Variants in ABCA5 observed in about 807,000 individuals in gnomAD.
The protein encoded by ABCA5 is cholesterol transporter ABCA5.
ABCA5 carries 163 observed loss-of-function variants against 206.0 expected under a neutral mutation model. The observed-to-expected ratio is 0.79, with a 90% confidence interval of 0.70 to 0.90. The LOEUF is 0.90. Ranked by LOEUF, ABCA5 falls within the 40% of genes least tolerant of loss-of-function variation. The pLI, the probability that ABCA5 is intolerant of heterozygous loss-of-function variation, is 0.00. For missense variants in ABCA5, 1,859 were observed against 1,912.9 expected, an observed-to-expected ratio of 0.97 and a Z score of 0.53; for synonymous variants, 609 against 613.8, an observed-to-expected ratio of 0.99 and a Z score of 0.11.
chr17:69,303,841 C>CATATAT (rs1555584154), intron 7 of ABCA5, among the ~76,000 whole-genome samples: 3 of 22,032 alleles, frequency 1.4e-4, no homozygotes, highest in African/African-American at 5.0e-4. Flanking sequence ...TATATATATA[C>CATATAT]ATACATATAT....
At chr17:69,260,142 T>C (rs1436746276) in intron 27 of ABCA5, among the ~76,000 whole-genome samples, 196 bp downstream of exon 27, 2 of 151,936 alleles carry the variant, frequency 1.3e-5, no homozygotes, top group Non-Finnish European at 2.9e-5. Flanking sequence ...AGGCTAAGTA[T>C]ATTAAAGTGA....
chr17:69,314,463 G>A (rs368413235), intron 1 of ABCA5, 33 bp from the exon 2 acceptor site: 31 of 1,347,678 alleles, frequency 2.3e-5, no homozygotes, highest in Non-Finnish European at 2.9e-5. Flanking sequence ...AAACAAACCC[G>A]GAGCCACGCA....
intron 14 of ABCA5, among the ~76,000 whole-genome samples, 169 bp downstream of exon 14, chr17:69,289,008 T>A (rs2075494756): frequency 6.6e-6 from 1 of 152,200 alleles, no homozygotes; most frequent in African/African-American, 2.4e-5. Flanking sequence ...AAGTTATACA[T>A]CTTTCTGACT....
Position 69,256,158 on chromosome 17 carries a change from T to G in ABCA5, c.3857A>C (p.Glu1286Ala), listed in dbSNP as rs1567751283. 1 of 1,587,462 alleles carries G rather than the reference T, an allele frequency of 6.3e-7. No homozygotes were observed. The highest frequency in any genetic ancestry group is 1.8e-5 in the Admixed American group (1 of 54,626). The change falls in exon 29 of 39, where the codon GAG (glutamate) becomes GCG (alanine). Residue 1286 changes from glutamate to alanine, a missense_variant and splice_region_variant. Glu to Ala is a moderately radical substitution (Grantham distance 107). Transcript: ENST00000392676. Reference sequence around the variant, plus strand: ...ACTTAGCCATAAAGAATAAATTACCTCCTCACAACACTGGCAACCCATCAG... The same window carrying G: ...ACTTAGCCATAAAGAATAAATTACCGCCTCACAACACTGGCAACCCATCAG... ...KELMGCQCCE[E>A]KPSIMVSNLH...
chr17:69,246,597 T>C lies in ABCA5; in HGVS notation c.*940A>G, dbSNP rs1355437313. On this transcript the variant is annotated 3_prime_UTR_variant, in exon 39 of 39. Coordinates refer to ENST00000392676, the MANE Select transcript of ABCA5 (RefSeq NM_172232.4). The stretch of plus-strand genomic sequence containing the variant: ...GTTACTAAATAAATCTACACACTGA[T>C]CTACTTACAATTTTATAGAAGAGAT... 2 of 151,938 alleles carry C rather than the reference T, an allele frequency of 1.3e-5. No homozygotes were observed. The highest frequency in any genetic ancestry group is 2.9e-5 in the Non-Finnish European group (2 of 67,828). The allele number at this position is 151,938 out of a possible 1,614,324, so 9.4% of individuals were successfully genotyped here.
intron 28 of ABCA5, among the ~76,000 whole-genome samples, chr17:69,258,222 T>C (rs1199359898): frequency 6.6e-6 from 1 of 152,050 alleles, no homozygotes; most frequent in Non-Finnish European, 1.5e-5. Context: ...CCTGAACTCA[T>C]ATGTTCATCA....
chr17:69,319,570 C>T lies in ABCA5; in HGVS notation c.-15-5140G>A, dbSNP rs1406355760. ...TTGAGCTGTGTCAGTTAAAATTTCT[C>T]TTGGCAGAATTAACTAAGAGACCCA... On this transcript the variant is annotated intron_variant, in intron 1 of 38. Coordinates refer to ENST00000392676, the MANE Select transcript of ABCA5 (RefSeq NM_172232.4). 3.3e-5 allele frequency among the ~76,000 whole-genome samples: 5 copies of T among 152,154 alleles called. No individual in the cohort carries two copies. In the East Asian group the frequency reaches 9.6e-4, roughly 29 times the overall value.
chr17:69,291,160 C>A, intron 12 of ABCA5, 56 bp downstream of exon 12: 1 of 1,148,094 alleles, frequency 8.7e-7, no homozygotes, highest in Non-Finnish European at 1.2e-6. Context: ...TTATTCAATA[C>A]ACATTTAAAG....
intron 1 of ABCA5, among the ~76,000 whole-genome samples, chr17:69,318,242 C>CTGCCACCA (rs1024952586): frequency 3.3e-5 from 5 of 152,000 alleles, no homozygotes; most frequent in African/African-American, 4.8e-5. Flanking sequence ...TTACAGGCGC[C>CTGCCACCA]TGCCACCATG....
At chr17:69,253,515 T>A in intron 34 of ABCA5, 58 bp downstream of exon 34, 1 of 1,164,528 alleles carries the variant, frequency 8.6e-7, no homozygotes. Context: ...ACTATTATAA[T>A]AAAAGAAACT....
intron 23 of ABCA5, among the ~76,000 whole-genome samples, chr17:69,266,680 C>A (rs2144925380): frequency 6.8e-6 from 1 of 148,000 alleles, no homozygotes; most frequent in Non-Finnish European, 1.5e-5. Flanking sequence ...TGCAAATGTC[C>A]AGTAAATTTT....
At chr17:69,264,151 T>C (rs2075182136) in intron 24 of ABCA5, among the ~76,000 whole-genome samples, 1 of 152,196 alleles carries the variant, frequency 6.6e-6, no homozygotes, top group Non-Finnish European at 1.5e-5. Flanking sequence ...TTTAATATAT[T>C]GAGTCTTCTA....
intron 28 of ABCA5, among the ~76,000 whole-genome samples, chr17:69,257,731 T>C (rs749716336): frequency 1.8e-4 from 26 of 143,784 alleles, no homozygotes; most frequent in Admixed American, 1.5e-3. Context: ...GAGAAAAAAA[T>C]ACACTATTGA....
chr17:69,270,244 A>C (rs1451014476), intron 22 of ABCA5, among the ~76,000 whole-genome samples: 1 of 152,102 alleles, frequency 6.6e-6, no homozygotes, highest in Non-Finnish European at 1.5e-5. Flanking sequence ...GTACAATCCA[A>C]CAGTTCTATC....
intron 11 of ABCA5, among the ~76,000 whole-genome samples, chr17:69,293,195 A>G (rs986124021): frequency 2.1e-4 from 32 of 149,994 alleles, no homozygotes; most frequent in African/African-American, 7.5e-4. Context: ...TGGAGCAAGT[A>G]TGAGTGTGGG....
chr17:69,270,041 C>T (rs12450522), intron 22 of ABCA5, among the ~76,000 whole-genome samples: 59,790 of 151,604 alleles, frequency 0.39, 12,646 homozygotes, highest in Middle Eastern at 0.51. Flanking sequence ...TAAAAGACAC[C>T]GAAGTGTATA....
intron 10 of ABCA5, among the ~76,000 whole-genome samples, chr17:69,295,484 C>T (rs574931117): frequency 2.6e-5 from 4 of 152,202 alleles, no homozygotes; most frequent in African/African-American, 9.6e-5. Flanking sequence ...ACATGGCATT[C>T]GAAGTATATG....
In ABCA5 at chr17:69,310,201, G is replaced by A. The variant is rs2075756141; in HGVS notation, c.308-778C>T. Among the ~76,000 whole-genome samples, 3 of 152,038 alleles carry A rather than the reference G, an allele frequency of 2.0e-5. No homozygotes were observed. The South Asian group carries it at 6.2e-4, about 32-fold the overall frequency. ...TTTGTTCTGTTACCCAGCCTGCAGT[G>A]CACTGGATCTTGCACTCAAACTTCA... On this transcript the variant is annotated intron_variant, in intron 3 of 38. Coordinates refer to ENST00000392676, the MANE Select transcript of ABCA5 (RefSeq NM_172232.4).
intron 10 of ABCA5, among the ~76,000 whole-genome samples, chr17:69,295,400 C>T (rs932248785): frequency 1.3e-5 from 2 of 152,032 alleles, no homozygotes; most frequent in South Asian, 4.2e-4. Flanking sequence ...AAGCAAGAAC[C>T]CTGAGACATT....
Sources: allele counts gnomAD v4.1 joint callset (sites outside exome capture counted in the v4.1 genomes callset), GRCh38; gene constraint gnomAD v4.1.1; transcripts MANE v1.5; gene names NCBI Gene and HGNC (gene_info 2026-07-23, HGNC 2026-07-21).